SPON1: variants seen among roughly 807,000 people sequenced by gnomAD.
SPON1 encodes spondin 1.
A neutral mutation model predicts 111.7 loss-of-function variants in SPON1; 52 were observed. The ratio of observed to expected loss-of-function variants is 0.47; its 90% confidence interval spans 0.37 to 0.59. The LOEUF is 0.59. Ranked by LOEUF, SPON1 falls within the 20% of genes least tolerant of loss-of-function variation. The pLI is 0.00. For missense variants in SPON1, 957 were observed against 1,068.5 expected (o/e 0.90, Z 1.46); for synonymous variants, 410 against 395.8 (o/e 1.04, Z -0.43).
intron 2 of SPON1, among the ~76,000 whole-genome samples, chr11:13,995,783 T>C (rs782359665): frequency 6.6e-6 from 1 of 152,176 alleles, no homozygotes; most frequent in Non-Finnish European, 1.5e-5. Flanking sequence ...TCCCTAGATA[T>C]TAGGGTGGCC....
chr11:14,017,015 C>T (rs1317657962), intron 2 of SPON1, among the ~76,000 whole-genome samples: 2 of 152,126 alleles, frequency 1.3e-5, no homozygotes, highest in Non-Finnish European at 2.9e-5. Flanking sequence ...GAGATTGCTA[C>T]GGTGTAAGGG....
chr11:14,152,624 T>C (rs10400306), intron 6 of SPON1, among the ~76,000 whole-genome samples: 59,746 of 152,116 alleles, frequency 0.39, 11,999 homozygotes, highest in East Asian at 0.55. Context: ...TATTTGCTTG[T>C]CAGTAATATG....
At chr11:14,106,387 A>T (rs1849184435) in intron 5 of SPON1, among the ~76,000 whole-genome samples, 1 of 152,228 alleles carries the variant, frequency 6.6e-6, no homozygotes, top group African/African-American at 2.4e-5. Context: ...GAATTTGCAC[A>T]CAAAATTCTG....
chr11:14,146,643 A>G (rs908404141), intron 6 of SPON1, among the ~76,000 whole-genome samples: 23 of 152,230 alleles, frequency 1.5e-4, no homozygotes, highest in Middle Eastern at 3.2e-3. Context: ...AGTCAACAAT[A>G]GTCAGAAAAT....
At chr11:14,006,102 C>T (rs140380425) in intron 2 of SPON1, among the ~76,000 whole-genome samples, 6 of 152,166 alleles carry the variant, frequency 3.9e-5, no homozygotes, top group African/African-American at 7.2e-5. Flanking sequence ...AGAGCAGTCT[C>T]GGCAGAGCAT....
At chr11:14,255,823 C>A in intron 9 of SPON1, 36 bp downstream of exon 9, 1 of 1,605,656 alleles carries the variant, frequency 6.2e-7, no homozygotes, top group South Asian at 1.1e-5. Context: ...ATCGACCTTT[C>A]CCGGTAGGAG....
At chr11:13,991,859 G>A (rs782815952) in intron 2 of SPON1, among the ~76,000 whole-genome samples, 7 of 152,114 alleles carry the variant, frequency 4.6e-5, no homozygotes, top group Non-Finnish European at 1.0e-4. Context: ...GTCCACTCCT[G>A]ACCCTGTTTG....
At chr11:14,141,750 C>A (rs551321217) in intron 6 of SPON1, among the ~76,000 whole-genome samples, 1 of 152,276 alleles carries the variant, frequency 6.6e-6, no homozygotes, top group East Asian at 1.9e-4. Context: ...CATATGTCTA[C>A]TAAACTATTG....
At chr11:14,233,971 G>A (rs1408697028) in intron 6 of SPON1, among the ~76,000 whole-genome samples, 3 of 152,052 alleles carry the variant, frequency 2.0e-5, no homozygotes, top group African/African-American at 7.2e-5. Flanking sequence ...TGTTGGCCAG[G>A]CTGGTCTCAA....
intron 3 of SPON1, among the ~76,000 whole-genome samples, chr11:14,051,117 TC>T (rs1848704466): frequency 6.6e-6 from 1 of 152,138 alleles, no homozygotes; most frequent in Admixed American, 6.5e-5. Flanking sequence ...ATATTTTGTG[TC>T]CACCCCAAAA....
intron 6 of SPON1, among the ~76,000 whole-genome samples, chr11:14,188,996 G>C (rs1027311103): frequency 6.6e-6 from 1 of 152,124 alleles, no homozygotes; most frequent in African/African-American, 2.4e-5. Context: ...AAAGAAATTT[G>C]GCTTTCCAAA....
intron 6 of SPON1, among the ~76,000 whole-genome samples, chr11:14,194,910 CAAAG>C (rs1225067299): frequency 1.3e-5 from 2 of 151,998 alleles, no homozygotes; most frequent in African/African-American, 4.8e-5. Context: ...TAATGAATGA[CAAAG>C]AAAGGAAAGC....
chr11:14,048,053 A>T (rs1477506642), intron 3 of SPON1, among the ~76,000 whole-genome samples: 1 of 152,192 alleles, frequency 6.6e-6, no homozygotes, highest in Non-Finnish European at 1.5e-5. Context: ...CAGCCTGGCC[A>T]ACATGGTGAA....
At chr11:14,101,096 T>C (rs974404709) in intron 5 of SPON1, among the ~76,000 whole-genome samples, 10 of 152,214 alleles carry the variant, frequency 6.6e-5, no homozygotes, top group Non-Finnish European at 1.2e-4. Context: ...TGTCGTTTTT[T>C]TCTTTTTAAA....
At chr11:14,111,280 C>A (rs1849224863) in intron 5 of SPON1, among the ~76,000 whole-genome samples, 1 of 152,036 alleles carries the variant, frequency 6.6e-6, no homozygotes, top group Non-Finnish European at 1.5e-5. Flanking sequence ...TTTTCCTTAC[C>A]TTTCATTTTC....
intron 5 of SPON1, among the ~76,000 whole-genome samples, chr11:14,082,875 C>T (rs114031663): frequency 0.02 from 2,995 of 152,208 alleles, 99 homozygotes; most frequent in African/African-American, 0.068. Context: ...TGCCAAGCCC[C>T]CCTGTCCTTT....
chr11:14,257,842 C>A lies in SPON1; in HGVS notation c.1436C>A (p.Pro479His). 1 of 1,591,444 alleles carries A rather than the reference C, an allele frequency of 6.3e-7. No homozygotes were observed. The highest frequency in any genetic ancestry group is 2.3e-5 in the East Asian group (1 of 43,534). The change falls in exon 11 of 16, where the codon CCC (proline) becomes CAC (histidine). Residue 479 changes from proline (P) to histidine (H), a missense_variant. Pro to His is a moderately conservative substitution (Grantham distance 77). Around this residue, in one of 5 missense-constraint regions of SPON1, gnomAD observed 549 missense variants for 606.2 expected, o/e 0.91. Coordinates refer to ENST00000576479, the MANE Select transcript of SPON1 (RefSeq NM_006108.4). ...AAAGCACAGCTGGACCTCAGCGTCCCCTGCCCTGACACCCAGGACTTCCAG... is the reference window on the plus strand; with the variant it reads ...AAAGCACAGCTGGACCTCAGCGTCCACTGCCCTGACACCCAGGACTTCCAG... ...MLKAQLDLSV[P>H]CPDTQDFQPC...
chr11:14,251,915 CCT>C (rs1368468006), intron 7 of SPON1, among the ~76,000 whole-genome samples: 2 of 152,192 alleles, frequency 1.3e-5, no homozygotes, highest in Non-Finnish European at 1.5e-5. Flanking sequence ...AATTAAATCC[CCT>C]GATTTGTGCC....
intron 3 of SPON1, among the ~76,000 whole-genome samples, chr11:14,053,354 G>A (rs192969707): frequency 8.5e-5 from 13 of 152,074 alleles, no homozygotes; most frequent in Admixed American, 2.0e-4. Flanking sequence ...CCGGCTCTAT[G>A]GACTTACCTA....
Sources: allele counts gnomAD v4.1 joint callset (sites outside exome capture counted in the v4.1 genomes callset), GRCh38; gene constraint gnomAD v4.1.1; regional missense constraint gnomAD v4.1.1; transcripts MANE v1.5; gene names NCBI Gene and HGNC (gene_info 2026-07-23, HGNC 2026-07-21).